Variants in FILIP1L observed in about 807,000 individuals in gnomAD.
FILIP1L encodes the protein filamin A-interacting protein 1-like.
A neutral mutation model predicts 96.6 loss-of-function variants in FILIP1L; 55 were observed. That is an observed-to-expected ratio of 0.57 (90% CI 0.46 to 0.71). FILIP1L has a LOEUF of 0.71. Ranked by LOEUF, FILIP1L falls within the 30% of genes least tolerant of loss-of-function variation. FILIP1L has a pLI of 0.00. For synonymous variants in FILIP1L, 467 were observed against 473.9 expected (o/e 0.99, Z 0.19); for missense variants, 1,304 against 1,321.2 (o/e 0.99, Z 0.20).
At chr3:100,016,819 G>A (rs1447919856) in intron 1 of FILIP1L, among the ~76,000 whole-genome samples, 2 of 152,108 alleles carry the variant, frequency 1.3e-5, no homozygotes, top group Non-Finnish European at 2.9e-5. Context: ...TTTCTTAATA[G>A]TGCTTCTAGG....
At position 99,848,389 on chromosome 3, in the gene FILIP1L, A is replaced by T. The variant is rs1293424568; in HGVS notation, c.3287T>A (p.Ile1096Asn). 1 of 1,614,080 alleles carries T rather than the reference A, an allele frequency of 6.2e-7. No individual in the cohort carries two copies. Among genetic ancestry groups the T allele is most frequent in the South Asian group, 1.1e-5 (1 of 91,082 alleles). The change falls in exon 5 of 6, where the codon ATT becomes AAT. Residue 1096 changes from isoleucine (I) to asparagine (N), a missense_variant. By Grantham distance (149) the Ile-to-Asn change is moderately radical. Transcript: ENST00000477258. Reference protein sequence around the residue: ...PLQDNRTQGLINGALNKTTNK... With the variant: ...PLQDNRTQGLNNGALNKTTNK... ...GGTTGTTTTGTTTAGTGCCCCGTTA[A>T]TTAAGCCTTGAGTTCGGTTATCCTG...
At chr3:100,049,171 T>G (rs2065328194) in intron 1 of FILIP1L, among the ~76,000 whole-genome samples, 3 of 152,244 alleles carry the variant, frequency 2.0e-5, no homozygotes. Flanking sequence ...TATTTGAAGT[T>G]ATACCTTTGG....
chr3:100,035,662 A>T (rs1418874394), intron 1 of FILIP1L, among the ~76,000 whole-genome samples: 1 of 152,240 alleles, frequency 6.6e-6, no homozygotes, highest in Non-Finnish European at 1.5e-5. Flanking sequence ...TGAACCATAG[A>T]AGAGGCAGAA....
chr3:99,942,854 G>T (rs112563900), intron 1 of FILIP1L, among the ~76,000 whole-genome samples: 10 of 152,082 alleles, frequency 6.6e-5, no homozygotes, highest in African/African-American at 2.2e-4. Flanking sequence ...AAAACAAGAG[G>T]TGATTTTCTT....
chr3:99,932,768 G>A (rs919679737), intron 1 of FILIP1L, among the ~76,000 whole-genome samples: 2 of 152,156 alleles, frequency 1.3e-5, no homozygotes, highest in African/African-American at 4.8e-5. Context: ...GCACACACCT[G>A]TAATCCCAGC....
At chr3:100,110,475 C>T (rs1169457605) in intron 1 of FILIP1L, among the ~76,000 whole-genome samples, 1 of 152,072 alleles carries the variant, frequency 6.6e-6, no homozygotes, top group Non-Finnish European at 1.5e-5. Flanking sequence ...CATGAAGATA[C>T]CTGTCATCCA....
intron 4 of FILIP1L, among the ~76,000 whole-genome samples, chr3:99,920,191 A>G (rs557471027): frequency 1.3e-5 from 2 of 152,236 alleles, no homozygotes; most frequent in Non-Finnish European, 2.9e-5. Flanking sequence ...GCAGTAACAT[A>G]TATGGATAGC....
At chr3:99,929,771 A>G in intron 3 of FILIP1L, 85 bp downstream of exon 3, 1 of 977,426 alleles carries the variant, frequency 1.0e-6, no homozygotes, top group Non-Finnish European at 1.5e-6. Context: ...ACTGTAAGGA[A>G]TCAAAGAGGA....
intron 1 of FILIP1L, among the ~76,000 whole-genome samples, chr3:99,991,930 A>G (rs1051707642): frequency 6.7e-6 from 1 of 148,958 alleles, no homozygotes; most frequent in African/African-American, 2.5e-5. Context: ...ATATACACAC[A>G]TATGTATGTG....
intron 5 of FILIP1L, among the ~76,000 whole-genome samples, chr3:99,832,137 T>C (rs996316470): frequency 6.6e-6 from 1 of 152,176 alleles, no homozygotes; most frequent in Non-Finnish European, 1.5e-5. Flanking sequence ...TTTTGTTTTC[T>C]AGGTAACTCC....
intron 4 of FILIP1L, chr3:99,874,318 C>G (rs1705395102): frequency 6.6e-6 from 1 of 152,210 alleles, no homozygotes; most frequent in South Asian, 2.1e-4. Context: ...TTCTGTTTGT[C>G]TCTTCCTCTG....
chr3:100,031,898 A>G (rs1347127489), intron 1 of FILIP1L, among the ~76,000 whole-genome samples: 3 of 152,218 alleles, frequency 2.0e-5, no homozygotes, highest in African/African-American at 7.2e-5. Context: ...GCCAAAGACA[A>G]TACATAAATT....
At chr3:99,915,155 G>A (rs1301556195) in intron 4 of FILIP1L, among the ~76,000 whole-genome samples, 1 of 152,038 alleles carries the variant, frequency 6.6e-6, no homozygotes, top group East Asian at 1.9e-4. Flanking sequence ...TCATCAAAAT[G>A]GGCTTGTCTT....
intron 1 of FILIP1L, among the ~76,000 whole-genome samples, chr3:100,029,812 C>T (rs2064993029): frequency 6.6e-6 from 1 of 152,054 alleles, no homozygotes; most frequent in Non-Finnish European, 1.5e-5. Context: ...ATATAGTGAC[C>T]AAAAGGGCAG....
chr3:100,044,169 G>C (rs2065245728), intron 1 of FILIP1L, among the ~76,000 whole-genome samples: 1 of 152,196 alleles, frequency 6.6e-6, no homozygotes, highest in African/African-American at 2.4e-5. Context: ...CCTTGAGCCA[G>C]TTACTTGCCT....
chr3:100,035,095 G>T (rs895599497), intron 1 of FILIP1L, among the ~76,000 whole-genome samples: 2 of 152,084 alleles, frequency 1.3e-5, no homozygotes, highest in Non-Finnish European at 2.9e-5. Flanking sequence ...TATCATAAAT[G>T]TATATTCGAA....
chr3:100,045,147 G>A (rs562912844), intron 1 of FILIP1L, among the ~76,000 whole-genome samples: 72 of 152,342 alleles, frequency 4.7e-4, no homozygotes, highest in African/African-American at 1.7e-3. Context: ...TTGGATAACA[G>A]TTTATAGATT....
chr3:99,931,080 A>G, intron 1 of FILIP1L, 50 bp from the exon 2 acceptor site: 1 of 1,489,346 alleles, frequency 6.7e-7, no homozygotes, highest in Admixed American at 1.8e-5. Context: ...TGGAGTTTTA[A>G]TAAGAGTACC....
chr3:99,851,212 ATT>A lies in FILIP1L; in HGVS notation c.606-144_606-143del, dbSNP rs1943681509. On this transcript the variant is annotated intron_variant, in intron 4 of 5. Transcript: ENST00000477258. ...ATACAATATGCAAAAGAGTTCCTGA[ATT>A]TGATGACAGAGGAAAATCTTGATAA... 3 of 618,372 alleles carry A rather than the reference ATT, an allele frequency of 4.9e-6. No individual in the cohort carries two copies. In the East Asian group the frequency reaches 9.6e-5, roughly 20 times the overall value. 38.3% of individuals were successfully genotyped at this position (618,372 alleles called of 1,614,324 possible). A position where few individuals can be genotyped will look rare whatever the true frequency, so the allele number is the denominator to read the frequency against.
Sources: gnomAD v4.1 joint callset for allele counts (sites outside exome capture counted in the v4.1 genomes callset) on GRCh38, gnomAD v4.1.1 for gene constraint, MANE v1.5 for transcripts, NCBI Gene and HGNC (gene_info 2026-07-23, HGNC 2026-07-21) for gene names.